The following CCDC68 variants were observed in gnomAD, a reference collection of about 807,000 sequenced individuals.
The protein encoded by CCDC68 is coiled-coil domain containing 68, also known as coiled-coil domain-containing protein 68.
CCDC68 carries 45 observed loss-of-function variants against 47.1 expected under a neutral mutation model. The ratio of observed to expected loss-of-function variants is 0.96; its 90% CI spans 0.75 to 1.23. CCDC68 has a LOEUF of 1.23. Among genes scored for constraint, CCDC68 ranks in the 50% most tolerant of loss-of-function variants. CCDC68 has a pLI of 0.00. For missense variants in CCDC68, 353 were observed against 373.6 expected (o/e 0.94, Z 0.45); for synonymous variants, 131 against 129.5 (o/e 1.01, Z -0.08).
At chr18:54,949,384 A>T (rs143088702) in intron 1 of CCDC68, among the ~76,000 whole-genome samples, 2 of 152,122 alleles carry the variant, frequency 1.3e-5, no homozygotes, top group East Asian at 3.9e-4. Context: ...TTTCTTTTTG[A>T]TCTAAACTTT....
At chr18:54,956,193 T>C (rs1413352645) in intron 1 of CCDC68, among the ~76,000 whole-genome samples, 1 of 152,230 alleles carries the variant, frequency 6.6e-6, no homozygotes, top group African/African-American at 2.4e-5. Flanking sequence ...TTTCACCATG[T>C]TGGTCAGGCT....
At chr18:54,905,728 T>C (rs972870576) in intron 11 of CCDC68, among the ~76,000 whole-genome samples, 2 of 152,064 alleles carry the variant, frequency 1.3e-5, no homozygotes, top group African/African-American at 4.8e-5. Flanking sequence ...CCATGACTGG[T>C]GCCATGGACT....
chr18:54,944,785 T>TA (rs1341179643), intron 2 of CCDC68, among the ~76,000 whole-genome samples: 1 of 152,214 alleles, frequency 6.6e-6, no homozygotes, highest in South Asian at 2.1e-4. Context: ...CTTGATGAAG[T>TA]AAAAAAACCT....
chr18:54,950,322 G>A (rs1163825106), intron 1 of CCDC68, among the ~76,000 whole-genome samples: 2 of 152,112 alleles, frequency 1.3e-5, no homozygotes, highest in Non-Finnish European at 2.9e-5. Flanking sequence ...GGAAAATAGC[G>A]AACGTTATCT....
In CCDC68 at chr18:54,906,726, GCAT is replaced by G. The variant is rs372958046; in HGVS notation, c.950+1057_950+1059del. Among the ~76,000 whole-genome samples the G allele has an allele frequency of 4.3e-3, 662 of 152,250 alleles. 5 individuals are homozygous for G. Among genetic ancestry groups the G allele is most frequent in the African/African-American group, 0.015 (626 of 41,548 alleles). ...GACTCTCCCTGCTTCTGAAATGTAG[GCAT>G]TTCCTCTCCTCCTGGGAAACCTCTG... On this transcript the variant is annotated intron_variant, in intron 11 of 11. Transcript: ENST00000591504.
chr18:54,905,872 A>C (rs1232220123), intron 11 of CCDC68, among the ~76,000 whole-genome samples: 1 of 152,192 alleles, frequency 6.6e-6, no homozygotes, highest in Non-Finnish European at 1.5e-5. Flanking sequence ...ACCTCCTGTC[A>C]GATCAGCAAT....
intron 7 of CCDC68, among the ~76,000 whole-genome samples, chr18:54,930,974 T>C (rs974623781): frequency 6.6e-6 from 1 of 151,696 alleles, no homozygotes; most frequent in African/African-American, 2.4e-5. Flanking sequence ...CGCCTTGGCC[T>C]CCCAAAGTGC....
intron 3 of CCDC68, among the ~76,000 whole-genome samples, chr18:54,942,128 T>A (rs2044448623): frequency 6.6e-6 from 1 of 152,228 alleles, no homozygotes; most frequent in Non-Finnish European, 1.5e-5. Context: ...GCTTAACACA[T>A]GTCTGTTGTA....
Position 54,917,900 on chromosome 18 carries a change from G to T in CCDC68, c.873+13C>A, listed in dbSNP as rs1568137357. 1.3e-6 allele frequency: 2 copies of T among 1,500,996 alleles called. No homozygotes were observed. The highest frequency in any genetic ancestry group is 1.9e-6 in the Non-Finnish European group (2 of 1,079,932). The allele number at this position is 1,500,996 out of a possible 1,614,324, so 93.0% of individuals were successfully genotyped here. A position where few individuals can be genotyped will look rare whatever the true frequency, so the allele number is the denominator to read the frequency against. On this transcript the variant is annotated intron_variant, in intron 10 of 11. Transcript: ENST00000591504. ...ACCCTCACAACAAAATGTAAGACAGGTTCCCTCCTTACCTGGGCTTCAAGT... is the reference window on the plus strand; with the variant it reads ...ACCCTCACAACAAAATGTAAGACAGTTTCCCTCCTTACCTGGGCTTCAAGT...
intron 1 of CCDC68, among the ~76,000 whole-genome samples, chr18:54,947,848 G>A (rs867951246): frequency 5.9e-5 from 9 of 152,124 alleles, no homozygotes; most frequent in African/African-American, 2.2e-4. Flanking sequence ...TAGCAAACCC[G>A]GGGGAGAAAT....
At chr18:54,913,074 G>C (rs1301750019) in intron 10 of CCDC68, among the ~76,000 whole-genome samples, 1 of 152,182 alleles carries the variant, frequency 6.6e-6, no homozygotes, top group African/African-American at 2.4e-5. Context: ...TGATGGGCAG[G>C]CATGTGCTGC....
At chr18:54,908,084 A>G (rs749774752) in intron 10 of CCDC68, among the ~76,000 whole-genome samples, 1 of 152,230 alleles carries the variant, frequency 6.6e-6, no homozygotes, top group African/African-American at 2.4e-5. Flanking sequence ...AGGGACTAAA[A>G]TAGAGTATTC....
At chr18:54,950,375 G>A (rs1240629691) in intron 1 of CCDC68, among the ~76,000 whole-genome samples, 1 of 152,170 alleles carries the variant, frequency 6.6e-6, no homozygotes, top group Non-Finnish European at 1.5e-5. Context: ...ATACTAAATA[G>A]CACACCTGTT....
chr18:54,908,869 C>T (rs1308850341), intron 10 of CCDC68, among the ~76,000 whole-genome samples: 3 of 151,924 alleles, frequency 2.0e-5, no homozygotes, highest in African/African-American at 7.3e-5. Flanking sequence ...ACCACTATGC[C>T]TGGCTAATTT....
intron 6 of CCDC68, among the ~76,000 whole-genome samples, chr18:54,936,197 ATTATTTATATAGATAAATATATAT>A (rs1568152007): frequency 6.3e-5 from 9 of 143,432 alleles, no homozygotes; most frequent in Admixed American, 2.8e-4. Context: ...AATATATATA[ATTATTTATATAGATAAATATATAT>A]CTATATATTT....
chr18:54,939,113 T>C (rs1004913149), intron 4 of CCDC68, among the ~76,000 whole-genome samples: 1 of 152,168 alleles, frequency 6.6e-6, no homozygotes, highest in African/African-American at 2.4e-5. Flanking sequence ...ATAATAACTA[T>C]GATTGCAGAA....
At chr18:54,953,994 T>G (rs1449878267) in intron 1 of CCDC68, among the ~76,000 whole-genome samples, 3 of 34,738 alleles carry the variant, frequency 8.6e-5, no homozygotes, top group South Asian at 1.5e-3. Flanking sequence ...TCCCCTCCCC[T>G]CCCTTCCCCT....
chr18:54,951,364 G>C (rs2044617640), intron 1 of CCDC68, among the ~76,000 whole-genome samples: 1 of 152,180 alleles, frequency 6.6e-6, no homozygotes, highest in African/African-American at 2.4e-5. Flanking sequence ...GAGAAGAGTG[G>C]GAAGGAGGGG....
chr18:54,940,929 T>C lies in CCDC68; in HGVS notation c.204+68A>G, dbSNP rs1263894538. On this transcript the variant is annotated intron_variant, in intron 4 of 11. Transcript: ENST00000591504. ...TCCTTCGAATCTTCAAAGAAGTTAG[T>C]AATTGCCCAAAAATTACTTTAAAAA... 3 of 1,100,972 alleles carry C rather than the reference T, an allele frequency of 2.7e-6. No homozygotes were observed. The African/African-American group carries it at 4.7e-5, about 17-fold the overall frequency. The allele number at this position is 1,100,972 out of a possible 1,614,324, so 68.2% of individuals were successfully genotyped here.
Sources: allele counts gnomAD v4.1 joint callset (sites outside exome capture counted in the v4.1 genomes callset), GRCh38; gene constraint gnomAD v4.1.1; transcripts MANE v1.5; gene names NCBI Gene and HGNC (gene_info 2026-07-23, HGNC 2026-07-21).